COL25A1: variants seen among roughly 807,000 people sequenced by gnomAD.
The protein encoded by COL25A1 is collagen type XXV alpha 1 chain.
A neutral mutation model predicts 128.4 loss-of-function variants in COL25A1; 103 were observed. The ratio of observed to expected loss-of-function variants is 0.80; its 90% confidence interval spans 0.68 to 0.94. COL25A1 has a LOEUF of 0.94. Among genes scored for constraint, COL25A1 ranks in the 40% least tolerant of loss-of-function variants. The probability of loss-of-function intolerance (pLI) is 0.00; values close to 1 mark genes in which losing one functional copy is unlikely to be tolerated. For missense variants in COL25A1, 745 were observed against 840.0 expected, an observed-to-expected ratio of 0.89 and a Z score of 1.40; for synonymous variants, 279 against 277.2, an observed-to-expected ratio of 1.01 and a Z score of -0.06.
At position 109,301,800 on chromosome 4, in the gene COL25A1, A is replaced by C; in HGVS notation, c.220T>G (p.Ser74Ala). 6.2e-7 allele frequency: 1 copy of C among 1,614,198 alleles called. No homozygotes were observed. Among genetic ancestry groups the C allele is most frequent in the Non-Finnish European group, 8.5e-7 (1 of 1,180,030 alleles). Reference sequence around the variant, plus strand: ...AGGGTATCAGGCAGCAGATGAATGGAAGGGGCCCCTTTGGCGGATTCGAGA... The same window carrying C: ...AGGGTATCAGGCAGCAGATGAATGGCAGGGGCCCCTTTGGCGGATTCGAGA... Reference protein sequence around the residue: ...AALESAKGAPSIHLLPDTLDH... With the variant: ...AALESAKGAPAIHLLPDTLDH... Residue 74 changes from serine to alanine, a missense_variant, in exon 2 of 38, where the codon TCC becomes GCC. Transcript: ENST00000399132.
intron 3 of COL25A1, among the ~76,000 whole-genome samples, chr4:109,091,318 G>A (rs896701527): frequency 6.6e-6 from 1 of 151,806 alleles, no homozygotes; most frequent in Non-Finnish European, 1.5e-5. Context: ...TCCCCTTTTT[G>A]TCTCTCTAAG....
intron 3 of COL25A1, among the ~76,000 whole-genome samples, chr4:109,296,033 T>G (rs1443091927): frequency 6.6e-6 from 1 of 152,074 alleles, no homozygotes; most frequent in Non-Finnish European, 1.5e-5. Context: ...GTTTCTCTCC[T>G]TATTCAACCT....
chr4:109,275,705 C>T (rs1384045572), intron 3 of COL25A1, among the ~76,000 whole-genome samples: 6 of 152,130 alleles, frequency 3.9e-5, no homozygotes, highest in Non-Finnish European at 7.4e-5. Flanking sequence ...TTCATAGAAA[C>T]GACTATTCCT....
intron 19 of COL25A1, among the ~76,000 whole-genome samples, chr4:108,874,884 T>C (rs754380939): frequency 5.3e-4 from 81 of 152,194 alleles, no homozygotes; most frequent in Non-Finnish European, 8.7e-4. Context: ...CCGTTTTTTT[T>C]CCCCTCAGGT....
At chr4:109,278,532 A>G (rs1240767343) in intron 3 of COL25A1, among the ~76,000 whole-genome samples, 1 of 152,200 alleles carries the variant, frequency 6.6e-6, no homozygotes, top group Non-Finnish European at 1.5e-5. Context: ...ATTCTGAAAA[A>G]CTAAATATAC....
chr4:109,238,608 T>C (rs766871624), intron 3 of COL25A1, among the ~76,000 whole-genome samples: 2 of 152,048 alleles, frequency 1.3e-5, no homozygotes, highest in Non-Finnish European at 2.9e-5. Flanking sequence ...TGAATGGTCC[T>C]GTGTTTTGTG....
chr4:109,075,750 T>C (rs1016412325), intron 3 of COL25A1, among the ~76,000 whole-genome samples: 1 of 152,144 alleles, frequency 6.6e-6, no homozygotes, highest in Non-Finnish European at 1.5e-5. Context: ...CCACACAGAC[T>C]TAGCCAAATT....
At chr4:109,211,565 T>C (rs868073979) in intron 3 of COL25A1, among the ~76,000 whole-genome samples, 13 of 150,958 alleles carry the variant, frequency 8.6e-5, no homozygotes, top group South Asian at 6.3e-4. Flanking sequence ...GGCATTGTCA[T>C]CAGTGGGCAT....
chr4:108,868,668 G>GGGGAAGGAAA (rs1738261815), intron 20 of COL25A1, among the ~76,000 whole-genome samples: 2 of 144,230 alleles, frequency 1.4e-5, no homozygotes, highest in Non-Finnish European at 1.5e-5. Flanking sequence ...AGGAAAGGAA[G>GGGGAAGGAAA]GGGAAGGAAA....
chr4:108,889,637 T>G (rs926702800), intron 17 of COL25A1, 64 bp downstream of exon 17: 9 of 1,399,742 alleles, frequency 6.4e-6, no homozygotes, highest in Non-Finnish European at 9.1e-6. Flanking sequence ...GGAGAGAAAG[T>G]AGAGGCCTAT....
At chr4:109,195,284 A>G (rs1775940100) in intron 3 of COL25A1, among the ~76,000 whole-genome samples, 1 of 152,168 alleles carries the variant, frequency 6.6e-6, no homozygotes, top group Admixed American at 6.6e-5. Flanking sequence ...CCCAATCTAG[A>G]TCTGCTGACC....
At chr4:109,064,561 T>C (rs1762249747) in intron 3 of COL25A1, among the ~76,000 whole-genome samples, 1 of 152,160 alleles carries the variant, frequency 6.6e-6, no homozygotes, top group South Asian at 2.1e-4. Flanking sequence ...TCAAATACAG[T>C]GATTTAATTC....
chr4:109,261,933 G>A (rs1202713834), intron 3 of COL25A1, among the ~76,000 whole-genome samples: 2 of 151,550 alleles, frequency 1.3e-5, no homozygotes, highest in Non-Finnish European at 2.9e-5. Context: ...TCCTGACCTC[G>A]TGATCTGCCT....
rs544259631 is a variant in COL25A1, at chr4:109,015,887, GGCA to G, written c.421-5515_421-5513del. ...TATTCTTTGTTGGACTGTTGTTGAT[GGCA>G]GCAGTGGCCCATCTGGAGTGGCTGC... On this transcript the variant is annotated intron_variant, in intron 5 of 37. Transcript: ENST00000399132. 2.4e-3 allele frequency among the ~76,000 whole-genome samples: 360 copies of G among 152,350 alleles called. 1 individual carries two copies. Among genetic ancestry groups the G allele is most frequent in the African/African-American group, 7.7e-3 (320 of 41,590 alleles).
intron 5 of COL25A1, among the ~76,000 whole-genome samples, chr4:109,015,386 CA>C (rs1336352926): frequency 6.6e-6 from 1 of 152,142 alleles, no homozygotes; most frequent in East Asian, 1.9e-4. Flanking sequence ...TTAAGGGTCA[CA>C]AAACACACCG....
chr4:108,870,816 C>G (rs1280861223), intron 19 of COL25A1, among the ~76,000 whole-genome samples: 1 of 152,144 alleles, frequency 6.6e-6, no homozygotes, highest in Non-Finnish European at 1.5e-5. Context: ...TTGGTAACAA[C>G]TTACTGTCAG....
chr4:109,033,077 C>T (rs1276774403), intron 5 of COL25A1, among the ~76,000 whole-genome samples: 4 of 152,256 alleles, frequency 2.6e-5, no homozygotes, highest in Non-Finnish European at 5.9e-5. Context: ...GAAATAAAGT[C>T]TGCTAAAGCA....
intron 3 of COL25A1, among the ~76,000 whole-genome samples, chr4:109,082,692 A>C (rs764043205): frequency 7.9e-5 from 12 of 152,278 alleles, no homozygotes; most frequent in Non-Finnish European, 1.3e-4. Context: ...CTAGATACGC[A>C]TGCCTTGCGG....
At chr4:109,147,949 A>G (rs1279775634) in intron 3 of COL25A1, among the ~76,000 whole-genome samples, 1 of 152,200 alleles carries the variant, frequency 6.6e-6, no homozygotes. Context: ...CATAGGAGAT[A>G]GCAGAAGGTC....
Sources: gnomAD v4.1 joint callset for allele counts (sites outside exome capture counted in the v4.1 genomes callset) on GRCh38, gnomAD v4.1.1 for gene constraint, MANE v1.5 for transcripts, NCBI Gene and HGNC (gene_info 2026-07-23, HGNC 2026-07-21) for gene names.